SNX18: variants seen among roughly 807,000 people sequenced by gnomAD.
The protein encoded by SNX18 is sorting nexin-18.
In SNX18, 35 loss-of-function variants were observed where a neutral mutation model predicts 48.7. That is an observed-to-expected ratio of 0.72 (90% CI 0.55 to 0.95). The LOEUF (loss-of-function observed/expected upper bound fraction) is 0.95, where lower values mean the gene tolerates loss of function less well. Ranked by LOEUF, SNX18 falls within the 40% of genes least tolerant of loss-of-function variation. The pLI is 0.00. For synonymous variants in SNX18, 492 were observed against 384.7 expected, an observed-to-expected ratio of 1.28 and a Z score of -3.26; for missense variants, 824 against 871.0, an observed-to-expected ratio of 0.95 and a Z score of 0.68.
the SNX18 span, among the ~76,000 whole-genome samples, chr5:54,611,383 C>G: frequency 6.6e-6 from 1 of 152,104 alleles, no homozygotes; most frequent in Admixed American, 6.5e-5. Context: ...CTGAACATGA[C>G]TTTGACTCTA....
chr5:54,569,555 G>C, the SNX18 span, among the ~76,000 whole-genome samples: 1 of 152,156 alleles, frequency 6.6e-6, no homozygotes, highest in African/African-American at 2.4e-5. Context: ...GGAGCATCTA[G>C]GATCTGGAAA....
chr5:54,642,150 T>C, the SNX18 span, among the ~76,000 whole-genome samples: 90 of 152,322 alleles, frequency 5.9e-4, no homozygotes, highest in Non-Finnish European at 1.1e-3. Context: ...ATGAAAGGTC[T>C]GAGAGAAGGA....
At chr5:54,604,891 T>A in the SNX18 span, among the ~76,000 whole-genome samples, 3 of 152,098 alleles carry the variant, frequency 2.0e-5, no homozygotes, top group African/African-American at 7.2e-5. Flanking sequence ...CTGAGGAGTG[T>A]CATCCACGCT....
chr5:54,598,784 T>G, the SNX18 span, among the ~76,000 whole-genome samples: 3 of 152,140 alleles, frequency 2.0e-5, no homozygotes, highest in Admixed American at 1.3e-4. Flanking sequence ...GCATACTGAA[T>G]GGACAAAAGC....
downstream of SNX18, among the ~76,000 whole-genome samples, chr5:54,548,360 G>C (rs974593326): frequency 2.0e-5 from 3 of 152,236 alleles, no homozygotes; most frequent in Non-Finnish European, 2.9e-5. Context: ...GAAGTGGCCA[G>C]ATGCATCAGA....
At chr5:54,629,526 G>A in the SNX18 span, among the ~76,000 whole-genome samples, 1 of 152,204 alleles carries the variant, frequency 6.6e-6, no homozygotes, top group East Asian at 1.9e-4. Context: ...ACCTCAGATG[G>A]ATAGTTGGAT....
the SNX18 span, among the ~76,000 whole-genome samples, chr5:54,571,688 C>T: frequency 6.6e-6 from 1 of 152,188 alleles, no homozygotes. Context: ...AAAGGTATTT[C>T]CTACCTGGAT....
the SNX18 span, among the ~76,000 whole-genome samples, chr5:54,641,348 C>A: frequency 6.6e-6 from 1 of 152,146 alleles, no homozygotes; most frequent in African/African-American, 2.4e-5. Context: ...TCAGTGGATA[C>A]AAGAGACCAG....
At chr5:54,567,580 G>A in the SNX18 span, among the ~76,000 whole-genome samples, 1 of 152,180 alleles carries the variant, frequency 6.6e-6, no homozygotes, top group African/African-American at 2.4e-5. Context: ...GGAAGAACAA[G>A]AGGAGGGAGC....
At chr5:54,585,774 C>T in the SNX18 span, among the ~76,000 whole-genome samples, 561 of 152,046 alleles carry the variant, frequency 3.7e-3, 4 homozygotes, top group Non-Finnish European at 4.6e-3. Context: ...GAGGCCGAGG[C>T]GGGCGGATCA....
At chr5:54,590,696 A>C in the SNX18 span, among the ~76,000 whole-genome samples, 1 of 152,126 alleles carries the variant, frequency 6.6e-6, no homozygotes, top group Non-Finnish European at 1.5e-5. Flanking sequence ...AGGAAAATAC[A>C]TTTTTGAAAA....
chr5:54,599,100 G>A, the SNX18 span, among the ~76,000 whole-genome samples: 3 of 152,138 alleles, frequency 2.0e-5, no homozygotes, highest in South Asian at 2.1e-4. Flanking sequence ...GGCAAGCAGA[G>A]AGCCAAATTG....
chr5:54,554,777 T>C, the SNX18 span, among the ~76,000 whole-genome samples: 1 of 152,158 alleles, frequency 6.6e-6, no homozygotes, highest in Non-Finnish European at 1.5e-5. Flanking sequence ...CCAGGCTGCA[T>C]GGGAAGGGCA....
At chr5:54,609,635 C>T in the SNX18 span, among the ~76,000 whole-genome samples, 3 of 152,050 alleles carry the variant, frequency 2.0e-5, no homozygotes, top group Admixed American at 6.6e-5. Context: ...TTGTCCCACC[C>T]TGCAAAAGGG....
In SNX18 at chr5:54,545,134, T is replaced by A. The variant is rs1762554832; in HGVS notation, c.*1702T>A. ...GTCAAAATTTTGTACCTTAGGTTAC[T>A]TAGAGCCAGATTTAACATCATGAAC... On this transcript the variant is annotated 3_prime_UTR_variant, in exon 2 of 2. Coordinates refer to ENST00000381410, the MANE Select transcript of SNX18 (RefSeq NM_001102575.2). The A allele has an allele frequency of 2.0e-5, 3 of 152,336 alleles. No homozygotes were observed. Among genetic ancestry groups the A allele is most frequent in the Admixed American group, 1.3e-4 (2 of 15,302 alleles). 9.4% of individuals were successfully genotyped at this position (152,336 alleles called of 1,614,324 possible).
chr5:54,569,137 C>A, the SNX18 span, among the ~76,000 whole-genome samples: 1 of 151,610 alleles, frequency 6.6e-6, no homozygotes, highest in Non-Finnish European at 1.5e-5. Flanking sequence ...GCCACCGCGC[C>A]CAACCACATT....
the SNX18 span, among the ~76,000 whole-genome samples, chr5:54,610,355 C>T: frequency 2.0e-5 from 3 of 151,854 alleles, no homozygotes; most frequent in Non-Finnish European, 4.4e-5. Context: ...TACATTGCTC[C>T]GACTTTACAC....
chr5:54,600,494 A>G, the SNX18 span, among the ~76,000 whole-genome samples: 2 of 152,326 alleles, frequency 1.3e-5, no homozygotes, highest in South Asian at 4.1e-4. Flanking sequence ...ACCAAAGGGA[A>G]TATAAATCTT....
the SNX18 span, among the ~76,000 whole-genome samples, chr5:54,577,810 A>C: frequency 6.6e-6 from 1 of 152,190 alleles, no homozygotes; most frequent in Non-Finnish European, 1.5e-5. Flanking sequence ...CCTTCCACCC[A>C]GTTCTGGGTT....
Sources: allele counts gnomAD v4.1 joint callset (sites outside exome capture counted in the v4.1 genomes callset), GRCh38; gene constraint gnomAD v4.1.1; transcripts MANE v1.5; gene names NCBI Gene and HGNC (gene_info 2026-07-23, HGNC 2026-07-21).